The following CAST variants were observed in gnomAD, a reference collection of about 807,000 sequenced individuals.
The protein encoded by CAST is MIR583 host.
A neutral mutation model predicts 119.6 loss-of-function variants in CAST; 76 were observed. The ratio of observed to expected loss-of-function variants is 0.64; its 90% CI spans 0.53 to 0.77. The LOEUF is 0.77. Among genes scored for constraint, CAST ranks in the 30% least tolerant of loss-of-function variants. The pLI, the probability that CAST is intolerant of heterozygous loss-of-function variation, is 0.00. For missense variants in CAST, 953 were observed against 946.5 expected (o/e 1.01, Z -0.09); for synonymous variants, 319 against 331.6 (o/e 0.96, Z 0.41).
chr5:95,987,121 G>A, the CAST span, among the ~76,000 whole-genome samples: 268 of 152,148 alleles, frequency 1.8e-3, 5 homozygotes, highest in East Asian at 0.04. Context: ...TCGGACCCTT[G>A]CTGCCCCCAC....
chr5:96,518,909 T>TCAGGAGG, the CAST span, among the ~76,000 whole-genome samples: 2 of 151,804 alleles, frequency 1.3e-5, no homozygotes, highest in African/African-American at 4.8e-5. Flanking sequence ...TCCCAGCTAC[T>TCAGGAGG]CAGGAGGCAG....
the CAST span, among the ~76,000 whole-genome samples, chr5:96,350,895 T>G: frequency 2.0e-5 from 3 of 152,158 alleles, no homozygotes; most frequent in Admixed American, 6.6e-5. Context: ...AGCTTGAAAA[T>G]GGCTCTTGAT....
chr5:96,508,418 A>G, the CAST span, among the ~76,000 whole-genome samples: 1 of 152,202 alleles, frequency 6.6e-6, no homozygotes, highest in African/African-American at 2.4e-5. Flanking sequence ...AATAAATTGT[A>G]GCTACGATTA....
the CAST span, chr5:96,400,262 C>A: frequency 6.3e-6 from 6 of 950,116 alleles, no homozygotes; most frequent in Non-Finnish European, 1.0e-5. Flanking sequence ...TAACAATAAG[C>A]ATCTCCATTC....
the CAST span, among the ~76,000 whole-genome samples, chr5:96,176,306 G>C: frequency 5.3e-5 from 8 of 152,222 alleles, no homozygotes; most frequent in Non-Finnish European, 2.9e-5. Flanking sequence ...AGGAGCAGGA[G>C]CTGATTACAG....
At chr5:96,004,135 C>T in the CAST span, among the ~76,000 whole-genome samples, 1 of 152,278 alleles carries the variant, frequency 6.6e-6, no homozygotes, top group Admixed American at 6.5e-5. Flanking sequence ...GATGGTCATG[C>T]CATGTGCTAT....
the CAST span, among the ~76,000 whole-genome samples, chr5:96,069,355 ATGTGTGTGTG>A: frequency 0.069 from 9,846 of 141,676 alleles, 442 homozygotes; most frequent in Non-Finnish European, 0.1. Context: ...GTGTGTATGT[ATGTGTGTGTG>A]TGTGTGTGTG....
At chr5:96,025,021 T>A in the CAST span, among the ~76,000 whole-genome samples, 1 of 152,252 alleles carries the variant, frequency 6.6e-6, no homozygotes, top group Admixed American at 6.5e-5. Context: ...GTAAGATTTC[T>A]GATTGGGCCA....
the CAST span, among the ~76,000 whole-genome samples, chr5:96,199,207 T>C: frequency 6.6e-6 from 1 of 152,168 alleles, no homozygotes; most frequent in African/African-American, 2.4e-5. Flanking sequence ...TCTCACAAGA[T>C]AGAAGATGGA....
the CAST span, among the ~76,000 whole-genome samples, chr5:96,459,829 G>T: frequency 5.9e-5 from 9 of 152,288 alleles, no homozygotes; most frequent in African/African-American, 2.2e-4. Context: ...TTTTACTGCA[G>T]ATTGGCTCTG....
intron 1 of CAST, among the ~76,000 whole-genome samples, chr5:96,546,696 G>T (rs374031999): frequency 1.7e-4 from 26 of 152,280 alleles, no homozygotes; most frequent in African/African-American, 6.3e-4. Flanking sequence ...GGTTTTTTAT[G>T]TGACTCTATA....
chr5:96,466,404 C>A, the CAST span, among the ~76,000 whole-genome samples: 1 of 152,090 alleles, frequency 6.6e-6, no homozygotes, highest in Non-Finnish European at 1.5e-5. Context: ...TGAAACATGA[C>A]CATGGTTCTA....
intron 1 of CAST, among the ~76,000 whole-genome samples, chr5:96,561,577 G>A (rs1376780594): frequency 1.3e-5 from 2 of 151,660 alleles, no homozygotes; most frequent in Non-Finnish European, 2.9e-5. Context: ...TGGGGAGGTA[G>A]GGGAGGGATA....
chr5:96,628,256 G>A (rs539438120), intron 1 of CAST, among the ~76,000 whole-genome samples: 2 of 152,304 alleles, frequency 1.3e-5, no homozygotes, highest in South Asian at 2.1e-4. Context: ...AACTTTAGCA[G>A]GTCAGACACT....
chr5:96,417,847 C>T, the CAST span, among the ~76,000 whole-genome samples: 2 of 152,300 alleles, frequency 1.3e-5, no homozygotes, highest in Admixed American at 6.5e-5. Flanking sequence ...GATGGATGAA[C>T]GCTCTTTGCC....
At chr5:96,551,022 A>G (rs1381599548) in intron 1 of CAST, among the ~76,000 whole-genome samples, 2 of 152,246 alleles carry the variant, frequency 1.3e-5, no homozygotes, top group Non-Finnish European at 1.5e-5. Context: ...AACTTCCCCA[A>G]TCTAGCAAGG....
At chr5:96,623,789 C>T (rs756739598) in intron 1 of CAST, among the ~76,000 whole-genome samples, 11 of 152,146 alleles carry the variant, frequency 7.2e-5, no homozygotes, top group Non-Finnish European at 1.5e-4. Context: ...TTCAACCTCC[C>T]AGGCTCAAGT....
intron 1 of CAST, among the ~76,000 whole-genome samples, chr5:96,601,590 A>G (rs532496306): frequency 2.7e-4 from 41 of 152,334 alleles, no homozygotes; most frequent in African/African-American, 8.7e-4. Context: ...ATTGCAGTGA[A>G]AGTACCGATT....
chr5:96,025,667 G>T, the CAST span, among the ~76,000 whole-genome samples: 2 of 152,164 alleles, frequency 1.3e-5, no homozygotes, highest in Admixed American at 6.5e-5. Flanking sequence ...AGGTAAAATT[G>T]TTGTTCTGTT....
Sources: allele counts gnomAD v4.1 joint callset (sites outside exome capture counted in the v4.1 genomes callset), GRCh38; gene constraint gnomAD v4.1.1; transcripts MANE v1.5; gene names NCBI Gene and HGNC (gene_info 2026-07-23, HGNC 2026-07-21).